UBAC2: variants seen among roughly 807,000 people sequenced by gnomAD.
UBAC2 encodes ubiquitin-associated domain-containing protein 2.
Under a neutral mutation model 44.0 loss-of-function variants are expected in UBAC2, and 26 were observed. That is an observed-to-expected ratio of 0.59 (90% CI 0.43 to 0.82). The LOEUF is 0.82. Among genes scored for constraint, UBAC2 ranks in the 40% least tolerant of loss-of-function variants. The pLI, the probability that UBAC2 is intolerant of heterozygous loss-of-function variation, is 0.00. For missense variants in UBAC2, 329 were observed against 419.4 expected (o/e 0.78, Z 1.88); for synonymous variants, 155 against 154.3 (o/e 1.00, Z -0.04).
Position 99,361,037 on chromosome 13 carries a change from A to G in UBAC2, c.808-6750A>G, listed in dbSNP as rs535611955. On this transcript the variant is annotated intron_variant, in intron 7 of 8. Coordinates refer to ENST00000403766, the MANE Select transcript of UBAC2 (RefSeq NM_001144072.2). ...CCAGAAACCTTTCAATGCCTGTAGA[A>G]CATGGATTTCTGTTCCATGGAACTT... is the stretch of plus-strand genomic sequence containing the variant. Among the ~76,000 whole-genome samples, 362 of 152,298 alleles carry G rather than the reference A, an allele frequency of 2.4e-3. 4 individuals carry two copies. The highest frequency in any genetic ancestry group is 0.011 in the South Asian group (51 of 4,828).
chr13:99,306,297 T>G (rs2044333779), intron 4 of UBAC2, among the ~76,000 whole-genome samples: 1 of 152,032 alleles, frequency 6.6e-6, no homozygotes, highest in Non-Finnish European at 1.5e-5. Flanking sequence ...TGGGAGACAG[T>G]TTTTTAGCAC....
At chr13:99,327,760 T>C (rs948850633) in intron 6 of UBAC2, among the ~76,000 whole-genome samples, 13 of 152,240 alleles carry the variant, frequency 8.5e-5, no homozygotes, top group African/African-American at 2.9e-4. Context: ...CTACCTCTTA[T>C]AAAATTTAAA....
chr13:99,236,635 A>G (rs2043235772), intron 1 of UBAC2, among the ~76,000 whole-genome samples: 1 of 152,060 alleles, frequency 6.6e-6, no homozygotes. Flanking sequence ...GTATCACCTG[A>G]GGTCAGGAGT....
intron 4 of UBAC2, among the ~76,000 whole-genome samples, chr13:99,272,999 ACT>A (rs2043835862): frequency 8.3e-6 from 1 of 121,194 alleles, no homozygotes; most frequent in African/African-American, 3.1e-5. Context: ...AGAACAGGTT[ACT>A]CTTTTTTTTT....
At chr13:99,352,487 A>G (rs2045108548) in intron 7 of UBAC2, among the ~76,000 whole-genome samples, 1 of 152,176 alleles carries the variant, frequency 6.6e-6, no homozygotes, top group Admixed American at 6.5e-5. Context: ...AGGTTGACGC[A>G]TGTTGCAGCA....
chr13:99,204,944 G>A (rs2042851303), intron 1 of UBAC2, among the ~76,000 whole-genome samples: 1 of 122,124 alleles, frequency 8.2e-6, no homozygotes, highest in South Asian at 2.9e-4. Flanking sequence ...TTGCTCTGTC[G>A]CCAGGCTGGA....
In UBAC2 at chr13:99,295,823, G is replaced by A. The variant is rs142541591; in HGVS notation, c.390-18274G>A. 33 of 1,608,442 alleles carry A rather than the reference G, an allele frequency of 2.1e-5. No homozygotes were observed. The African/African-American group carries it at 2.5e-4, about 12-fold the overall frequency. The stretch of plus-strand genomic sequence containing the variant: ...ATATGTGTTGATGTAAAACACTAGC[G>A]CAGTTATCCTACACAAGGCATCTCC... On this transcript the variant is annotated intron_variant, in intron 4 of 8. Coordinates refer to ENST00000403766, the MANE Select transcript of UBAC2 (RefSeq NM_001144072.2). The surrounding 1 kb of genome is among the most constrained non-coding windows in gnomAD (Gnocchi z 4.1).
intron 1 of UBAC2, chr13:99,215,852 C>A: frequency 2.0e-6 from 1 of 508,162 alleles, no homozygotes; most frequent in South Asian, 4.5e-5. Context: ...CACCGTGATT[C>A]AAACTGCCCT....
chr13:99,260,810 T>C (rs2043649629), intron 4 of UBAC2, among the ~76,000 whole-genome samples: 1 of 152,190 alleles, frequency 6.6e-6, no homozygotes, highest in South Asian at 2.1e-4. Context: ...AGGAGAAATG[T>C]TTCACTTGCA....
At chr13:99,324,761 G>A (rs768231263) in intron 6 of UBAC2, among the ~76,000 whole-genome samples, 1 of 152,202 alleles carries the variant, frequency 6.6e-6, no homozygotes, top group Non-Finnish European at 1.5e-5. Flanking sequence ...TGGTGGCCCT[G>A]TGGATTCTAA....
intron 7 of UBAC2, among the ~76,000 whole-genome samples, chr13:99,366,230 G>A (rs1203864416): frequency 6.6e-6 from 1 of 152,072 alleles, no homozygotes; most frequent in Admixed American, 6.5e-5. Flanking sequence ...TTTTTGAAGT[G>A]TGTAATCATT....
intron 7 of UBAC2, among the ~76,000 whole-genome samples, chr13:99,367,093 C>T (rs1375938580): frequency 6.6e-6 from 1 of 152,088 alleles, no homozygotes; most frequent in East Asian, 1.9e-4. Context: ...ATGGTGGCTT[C>T]TTTTTTGTTG....
At chr13:99,332,744 C>T (rs927918930) in intron 6 of UBAC2, among the ~76,000 whole-genome samples, 2 of 152,190 alleles carry the variant, frequency 1.3e-5, no homozygotes, top group Non-Finnish European at 2.9e-5. Flanking sequence ...CCTTGCCTGC[C>T]GGAGACTGCG....
chr13:99,380,134 C>T (rs1218397300), intron 8 of UBAC2, among the ~76,000 whole-genome samples: 2 of 152,152 alleles, frequency 1.3e-5, no homozygotes, highest in Non-Finnish European at 1.5e-5. Context: ...CACATGAGGT[C>T]AGGTGTGGAA....
At chr13:99,302,459 GA>G (rs1566493194) in intron 4 of UBAC2, among the ~76,000 whole-genome samples, 3 of 152,220 alleles carry the variant, frequency 2.0e-5, no homozygotes, top group African/African-American at 7.2e-5. Context: ...AGGGAAGAAA[GA>G]AATCATTCAT....
chr13:99,265,800 C>T (rs936864138), intron 4 of UBAC2, among the ~76,000 whole-genome samples: 7 of 152,108 alleles, frequency 4.6e-5, no homozygotes, highest in Admixed American at 1.3e-4. Context: ...GATACAATTA[C>T]AAAGACGTAC....
chr13:99,236,775 G>C (rs1231588710), intron 1 of UBAC2, among the ~76,000 whole-genome samples: 1 of 152,022 alleles, frequency 6.6e-6, no homozygotes, highest in Non-Finnish European at 1.5e-5. Context: ...ACTTGAATCC[G>C]GGGGGCAGAG....
intron 1 of UBAC2, chr13:99,201,370 T>C (rs1025438582): frequency 6.3e-7 from 1 of 1,583,028 alleles, no homozygotes; most frequent in African/African-American, 1.3e-5. Context: ...ACTTGCAAAG[T>C]TCAGCCTCCG....
intron 1 of UBAC2, among the ~76,000 whole-genome samples, chr13:99,214,229 T>G (rs1229504540): frequency 1.3e-5 from 2 of 151,858 alleles, no homozygotes; most frequent in African/African-American, 2.4e-5. Context: ...GTTTGTTTTT[T>G]TTTTTTTTTT....
Sources: gnomAD v4.1 joint callset for allele counts (sites outside exome capture counted in the v4.1 genomes callset) on GRCh38, gnomAD v4.1.1 for gene constraint, Gnocchi (gnomAD v3.1) non-coding constraint, MANE v1.5 for transcripts, NCBI Gene and HGNC (gene_info 2026-07-23, HGNC 2026-07-21) for gene names.